Variants in RIC3 observed in about 807,000 individuals in gnomAD.
RIC3 encodes RIC3 acetylcholine receptor chaperone.
A neutral mutation model predicts 27.3 loss-of-function variants in RIC3; 28 were observed. The observed-to-expected ratio is 1.02, with a 90% CI of 0.76 to 1.41. The LOEUF (loss-of-function observed/expected upper bound fraction) is 1.41, where lower values mean the gene tolerates loss of function less well. RIC3 is among the 40% of genes most tolerant of loss of function. The pLI, the probability that RIC3 is intolerant of heterozygous loss-of-function variation, is 0.00. For missense variants in RIC3, 501 were observed against 444.7 expected, an observed-to-expected ratio of 1.13 and a Z score of -1.14; for synonymous variants, 184 against 160.4, an observed-to-expected ratio of 1.15 and a Z score of -1.11.
At chr11:8,097,853 C>G in the RIC3 span, 3 of 1,543,882 alleles carry the variant, frequency 1.9e-6, no homozygotes, top group Non-Finnish European at 2.7e-6. Context: ...AGGAAGCAGG[C>G]GGGAGTGGGA....
Position 8,108,627 on chromosome 11 carries a change from AT to A in RIC3, c.*2070del. ...CCACAGCTAGAAAATGCAGGGACAG[AT>A]TATGGCTCATGTTTCTCTGCCTGCA... On this transcript the variant is annotated 3_prime_UTR_variant, in exon 6 of 6. Coordinates refer to ENST00000309737, the MANE Select transcript of RIC3 (RefSeq NM_001206671.4). The A allele has an allele frequency of 6.6e-6, 1 of 152,304 alleles. No individual in the cohort carries two copies. The highest frequency in any genetic ancestry group is 1.9e-4 in the East Asian group (1 of 5,178). The allele number at this position is 152,304 out of a possible 1,614,324, so 9.4% of individuals were successfully genotyped here. A position where few individuals can be genotyped will look rare whatever the true frequency, so the allele number is the denominator to read the frequency against.
intron 1 of RIC3, among the ~76,000 whole-genome samples, chr11:8,151,832 C>T (rs1281434029): frequency 1.3e-5 from 2 of 150,866 alleles, no homozygotes; most frequent in Admixed American, 1.3e-4. Context: ...AGGAGAATCG[C>T]TTGAACCCAG....
At chr11:8,093,968 G>A in the RIC3 span, 4,416 of 1,573,276 alleles carry the variant, frequency 2.8e-3, 101 homozygotes, top group African/African-American at 0.051. Flanking sequence ...GCTGTGCTGG[G>A]GACTGTGTTC....
chr11:8,137,434 C>G lies in RIC3; in HGVS notation c.465G>C (p.Lys155Asn), dbSNP rs1046651818. The G allele has an allele frequency of 6.2e-7, 1 of 1,613,956 alleles. No homozygotes were observed. Among genetic ancestry groups the G allele is most frequent in the African/African-American group, 1.3e-5 (1 of 74,934 alleles). ...FELAQLQEKL[K>N]ETEAAMEKLI... is the part of the protein sequence containing the mutation. ...ATTTTTCCATGGCTGCTTCTGTCTC[C>G]TTCAGTTTTTCTTGCAGTTGAGCAA... The change falls in exon 4 of 6, where the codon AAG becomes AAC. Residue 155 changes from lysine (K) to asparagine (N), a missense_variant. Physicochemically the swap from Lys to Asn is moderately conservative, Grantham distance 94 (BLOSUM62 0). Transcript: ENST00000309737.
intron 5 of RIC3, among the ~76,000 whole-genome samples, chr11:8,117,597 G>A (rs1945991512): frequency 9.3e-6 from 1 of 107,096 alleles, no homozygotes; most frequent in Non-Finnish European, 2.1e-5. Flanking sequence ...TGGATAGGAG[G>A]AATAAATAAG....
chr11:8,166,630 A>C (rs976665020), intron 1 of RIC3, among the ~76,000 whole-genome samples: 3 of 152,122 alleles, frequency 2.0e-5, no homozygotes, highest in African/African-American at 7.2e-5. Flanking sequence ...AGCACTTTGG[A>C]AGGCTGAGGC....
intron 3 of RIC3, 105 bp downstream of exon 3, chr11:8,138,167 C>T: frequency 8.0e-6 from 6 of 750,256 alleles, no homozygotes; most frequent in Non-Finnish European, 1.1e-5. Flanking sequence ...TAATTTGGAG[C>T]AACTTTTGAG....
chr11:8,123,757 C>T (rs1442589459), intron 5 of RIC3, among the ~76,000 whole-genome samples: 1 of 151,698 alleles, frequency 6.6e-6, no homozygotes, highest in Non-Finnish European at 1.5e-5. Flanking sequence ...AACTCCAGGC[C>T]AACTGGGCAC....
At chr11:8,165,058 T>C (rs1201495764) in intron 1 of RIC3, among the ~76,000 whole-genome samples, 2 of 152,188 alleles carry the variant, frequency 1.3e-5, no homozygotes, top group Non-Finnish European at 2.9e-5. Flanking sequence ...CTGGTGGTCA[T>C]GTAAAATGGT....
Position 8,124,978 on chromosome 11 carries a change from G to A in RIC3, c.670+1681C>T, listed in dbSNP as rs568560505. Among the ~76,000 whole-genome samples the A allele has an allele frequency of 1.4e-4, 22 of 152,262 alleles. No individual in the cohort carries two copies. The South Asian group carries it at 4.4e-3, about 30-fold the overall frequency. ...AAACAGAACATAAAAAATGGGCTGG[G>A]CACGGCGGCTCACACCTGTAATCCC... On this transcript the variant is annotated intron_variant, in intron 5 of 5. Transcript: ENST00000309737.
chr11:8,101,860 C>T (rs908409596), downstream of RIC3: 51 of 568,168 alleles, frequency 9.0e-5, no homozygotes, highest in Non-Finnish European at 1.2e-4. Context: ...TTCCATGCCA[C>T]GAGATCAACA....
intron 1 of RIC3, among the ~76,000 whole-genome samples, chr11:8,152,696 T>C (rs1950344489): frequency 6.6e-6 from 1 of 152,172 alleles, no homozygotes; most frequent in African/African-American, 2.4e-5. Context: ...TACTAAAAAC[T>C]ACAGTGACTG....
At chr11:8,164,700 C>T (rs544080886) in intron 1 of RIC3, among the ~76,000 whole-genome samples, 7 of 150,472 alleles carry the variant, frequency 4.7e-5, no homozygotes, top group Admixed American at 1.3e-4. Flanking sequence ...ATCACTTGAG[C>T]CCAGGAGTTT....
intron 5 of RIC3, among the ~76,000 whole-genome samples, chr11:8,118,305 G>A (rs180864773): frequency 1.3e-5 from 2 of 150,082 alleles, no homozygotes; most frequent in Admixed American, 6.6e-5. Flanking sequence ...GAAACCAGCA[G>A]TTCAAAATGA....
At chr11:8,117,427 T>C (rs1457827455) in intron 5 of RIC3, among the ~76,000 whole-genome samples, 1 of 152,204 alleles carries the variant, frequency 6.6e-6, no homozygotes, top group Non-Finnish European at 1.5e-5. Context: ...TGGAGGACAT[T>C]ATGTTAACTG....
chr11:8,129,898 T>C (rs1227352404), intron 4 of RIC3, among the ~76,000 whole-genome samples: 24 of 152,216 alleles, frequency 1.6e-4, no homozygotes, highest in Admixed American at 1.5e-3. Flanking sequence ...AAATTTCCTA[T>C]TGCTGTTTCA....
chr11:8,140,273 T>G, intron 1 of RIC3, 80 bp from the exon 2 acceptor site: 1 of 1,297,788 alleles, frequency 7.7e-7, no homozygotes, highest in Non-Finnish European at 1.0e-6. Context: ...CATTAAGGTA[T>G]AAAAGAGGCC....
At chr11:8,149,024 CAAAAAAAA>C (rs34536745) in intron 1 of RIC3, among the ~76,000 whole-genome samples, 1 of 96,182 alleles carries the variant, frequency 1.0e-5, no homozygotes, top group Non-Finnish European at 2.2e-5. Context: ...ACTAAAAATA[CAAAAAAAA>C]AAAAAAAAAA....
At chr11:8,144,293 T>C (rs1188315841) in intron 1 of RIC3, among the ~76,000 whole-genome samples, 1 of 150,754 alleles carries the variant, frequency 6.6e-6, no homozygotes, top group African/African-American at 2.5e-5. Context: ...GACAAAGGGC[T>C]AATATCCAGA....
Sources: gnomAD v4.1 joint callset for allele counts (sites outside exome capture counted in the v4.1 genomes callset) on GRCh38, gnomAD v4.1.1 for gene constraint, MANE v1.5 for transcripts, NCBI Gene and HGNC (gene_info 2026-07-23, HGNC 2026-07-21) for gene names.